Variants in CPS1 observed in about 807,000 individuals in gnomAD.
The protein encoded by CPS1 is carbamoyl-phosphate synthase 1.
CPS1 carries 109 observed loss-of-function variants against 174.6 expected under a neutral mutation model. That is an observed-to-expected ratio of 0.62 (90% CI 0.53 to 0.73). The LOEUF is 0.73. CPS1 is among the 30% of genes least tolerant of loss of function. The pLI, the probability that CPS1 is intolerant of heterozygous loss-of-function variation, is 0.00. For synonymous variants in CPS1, 637 were observed against 632.0 expected, an observed-to-expected ratio of 1.01 and a Z score of -0.12; for missense variants, 1,689 against 1,821.9, an observed-to-expected ratio of 0.93 and a Z score of 1.33.
At chr2:210,647,838 C>A (rs1036971557) in intron 25 of CPS1, 25 bp from the exon 26 acceptor site, 3 of 1,612,184 alleles carry the variant, frequency 1.9e-6, no homozygotes, top group Non-Finnish European at 1.7e-6. Context: ...ATTCCAATGG[C>A]TGATATTGTG....
chr2:210,648,812 T>G (rs1700467041), intron 27 of CPS1, among the ~76,000 whole-genome samples: 1 of 152,280 alleles, frequency 6.6e-6, no homozygotes, highest in East Asian at 1.9e-4. Flanking sequence ...AGCTTTATAT[T>G]AAAGAACAGG....
At chr2:210,480,953 C>T (rs1694552972) in intron 1 of CPS1, among the ~76,000 whole-genome samples, 1 of 152,184 alleles carries the variant, frequency 6.6e-6, no homozygotes, top group South Asian at 2.1e-4. Context: ...AGAACATAAA[C>T]AGATGTACAC....
intron 27 of CPS1, among the ~76,000 whole-genome samples, 174 bp downstream of exon 27, chr2:210,648,714 C>T (rs1188983694): frequency 1.3e-5 from 2 of 152,196 alleles, no homozygotes; most frequent in Non-Finnish European, 2.9e-5. Flanking sequence ...TAGTTTAATG[C>T]TTTCCCTTCA....
At chr2:210,602,964 T>G (rs1304100409) in intron 16 of CPS1, among the ~76,000 whole-genome samples, 1 of 151,992 alleles carries the variant, frequency 6.6e-6, no homozygotes, top group African/African-American at 2.4e-5. Context: ...CTTCTTTCTT[T>G]GCATGTTAGA....
At chr2:210,601,150 TAAAATGA>T (rs1553512495) in intron 15 of CPS1, among the ~76,000 whole-genome samples, 2 of 151,954 alleles carry the variant, frequency 1.3e-5, no homozygotes, top group Non-Finnish European at 1.5e-5. Context: ...ATCCAGTCAT[TAAAATGA>T]CTGGAAAACC....
chr2:210,602,080 A>G (rs1158037792), intron 15 of CPS1, 122 bp from the exon 16 acceptor site: 1 of 1,176,570 alleles, frequency 8.5e-7, no homozygotes, highest in Non-Finnish European at 1.2e-6. Flanking sequence ...GAATAATAGA[A>G]CATTTCTAGA....
chr2:210,648,394 C>T lies in CPS1; in HGVS notation c.3337-79C>T, dbSNP rs4673540. 1,220,764 of 1,221,154 alleles carry T rather than the reference C, an allele frequency of 1. 610,187 individuals are homozygous for T. Among genetic ancestry groups the T allele is most frequent in the Middle Eastern group, 1 (5,180 of 5,180 alleles). 75.6% of individuals were successfully genotyped at this position (1,221,154 alleles called of 1,614,324 possible). On this transcript the variant is annotated intron_variant, in intron 26 of 37. Transcript: ENST00000233072. ...AGAATAAAGAAGCTGGGCTACCACT[C>T]GAGCTAATGATACATTCTGTAATTT...
chr2:210,573,187 C>A, intron 1 of CPS1, 111 bp from the exon 2 acceptor site: 2 of 948,766 alleles, frequency 2.1e-6, no homozygotes, highest in Non-Finnish European at 3.4e-6. Flanking sequence ...ATTATGGTTT[C>A]ATTAAATATA....
chr2:210,500,640 AG>A (rs1695114513), intron 1 of CPS1, among the ~76,000 whole-genome samples: 1 of 152,226 alleles, frequency 6.6e-6, no homozygotes, highest in African/African-American at 2.4e-5. Context: ...CTGATGCAAG[AG>A]GAAGGCTCCC....
chr2:210,545,544 AC>A (rs1696538209), intron 1 of CPS1, among the ~76,000 whole-genome samples: 1 of 152,062 alleles, frequency 6.6e-6, no homozygotes, highest in East Asian at 1.9e-4. Flanking sequence ...TTTAAGACTT[AC>A]TATTTTTTAC....
intron 1 of CPS1, among the ~76,000 whole-genome samples, chr2:210,562,606 G>A (rs1194839658): frequency 1.3e-5 from 2 of 152,044 alleles, no homozygotes; most frequent in African/African-American, 4.8e-5. Context: ...CTACTTTTCA[G>A]TGCTTAGTTC....
At chr2:210,616,645 G>A (rs1699318863) in intron 21 of CPS1, 104 bp downstream of exon 21, 1 of 804,802 alleles carries the variant, frequency 1.2e-6, no homozygotes, top group Non-Finnish European at 2.2e-6. Context: ...ATTCAATGAG[G>A]TAGATAGTGC....
rs1009704134 is a variant in CPS1 at position 210,637,904 on chromosome 2, G to A, written c.2829+61G>A. The A allele has an allele frequency of 1.0e-5, 16 of 1,581,134 alleles. No individual in the cohort carries two copies. The Admixed American group carries it at 1.3e-4, about 13-fold the overall frequency. ...ACAGGATTTCTGTGGTAAAACGTAG[G>A]CACCCATTCAAAAGGCCATTGTTAA... On this transcript the variant is annotated intron_variant, in intron 22 of 37. Transcript: ENST00000233072.
At chr2:210,674,845 T>C (rs888134058) in intron 34 of CPS1, 57 bp from the exon 35 acceptor site, 1 of 1,279,402 alleles carries the variant, frequency 7.8e-7, no homozygotes, top group African/African-American at 1.5e-5. Context: ...AATACCATAT[T>C]GCATAAATGA....
At chr2:210,502,490 A>G (rs1476652570) in intron 1 of CPS1, among the ~76,000 whole-genome samples, 1 of 147,852 alleles carries the variant, frequency 6.8e-6, no homozygotes, top group African/African-American at 2.4e-5. Context: ...TAAAAGAGAT[A>G]TAAATATAGA....
chr2:210,522,070 T>A (rs1695840990), intron 1 of CPS1, among the ~76,000 whole-genome samples: 1 of 151,928 alleles, frequency 6.6e-6, no homozygotes, highest in Non-Finnish European at 1.5e-5. Context: ...CTCTGTGAAT[T>A]AGGAGGTCTT....
intron 29 of CPS1, among the ~76,000 whole-genome samples, chr2:210,655,723 CACAGA>C (rs1401520618): frequency 3.9e-5 from 6 of 152,272 alleles, no homozygotes; most frequent in East Asian, 1.9e-4. Flanking sequence ...TTGCCCAGGT[CACAGA>C]ACAGAAGGAT....
chr2:210,616,283 C>T, intron 20 of CPS1, 140 bp from the exon 21 acceptor site: 1 of 703,316 alleles, frequency 1.4e-6, no homozygotes. Flanking sequence ...TCAGTGATGT[C>T]AGTTTCATGT....
intron 33 of CPS1, among the ~76,000 whole-genome samples, chr2:210,664,671 T>C (rs1270063650): frequency 6.6e-6 from 1 of 152,158 alleles, no homozygotes; most frequent in Non-Finnish European, 1.5e-5. Flanking sequence ...TCATTCTGCA[T>C]CCATACATAT....
Sources: allele counts gnomAD v4.1 joint callset (sites outside exome capture counted in the v4.1 genomes callset), GRCh38; gene constraint gnomAD v4.1.1; transcripts MANE v1.5; gene names NCBI Gene and HGNC (gene_info 2026-07-23, HGNC 2026-07-21).